CCSER1: variants seen among roughly 807,000 people sequenced by gnomAD.
CCSER1 encodes the protein coiled-coil serine rich protein 1, also known as serine-rich coiled-coil domain-containing protein 1.
Under a neutral mutation model 82.0 loss-of-function variants are expected in CCSER1, and 41 were observed. That is an observed-to-expected ratio of 0.50 (90% confidence interval 0.39 to 0.65). The LOEUF is 0.65. CCSER1 is among the 30% of genes least tolerant of loss of function. The probability of loss-of-function intolerance (pLI) is 0.00; values close to 1 mark genes in which losing one functional copy is unlikely to be tolerated. For synonymous variants in CCSER1, 414 were observed against 383.9 expected (o/e 1.08, Z -0.92); for missense variants, 1,119 against 1,064.2 (o/e 1.05, Z -0.72).
chr4:91,216,470 C>A (rs1357438162), intron 10 of CCSER1, among the ~76,000 whole-genome samples: 1 of 152,096 alleles, frequency 6.6e-6, no homozygotes, highest in Admixed American at 6.5e-5. Context: ...CAGGTGCGTG[C>A]CACCACACCC....
chr4:90,495,861 G>A (rs1768910633), intron 5 of CCSER1, among the ~76,000 whole-genome samples: 1 of 152,086 alleles, frequency 6.6e-6, no homozygotes, highest in Non-Finnish European at 1.5e-5. Flanking sequence ...TAGAATGGCA[G>A]GGAGGAGGAG....
In CCSER1 at chr4:91,012,358, G is replaced by A. The variant is rs1739063288; in HGVS notation, c.2173-73592G>A. ...CTCTGCCAAGGCACTCTTTCCCCAG[G>A]CAGCACTGTGCAGCTTTACCTCTGG... On this transcript the variant is annotated intron_variant, in intron 9 of 10. Coordinates refer to ENST00000509176, the MANE Select transcript of CCSER1 (RefSeq NM_001145065.2). Among the ~76,000 whole-genome samples the A allele has an allele frequency of 1.5e-5, 2 of 134,314 alleles. 1 individual carries two copies. Among genetic ancestry groups the A allele is most frequent in the African/African-American group, 5.0e-5 (2 of 40,350 alleles). The allele number at this position is 134,314 out of a possible 152,430, so 88.1% of individuals were successfully genotyped here. A position where few individuals can be genotyped will look rare whatever the true frequency, so the allele number is the denominator to read the frequency against.
chr4:90,775,932 C>T (rs974435131), intron 7 of CCSER1, among the ~76,000 whole-genome samples: 3 of 151,382 alleles, frequency 2.0e-5, no homozygotes, highest in Non-Finnish European at 2.9e-5. Flanking sequence ...AGAGTTGGTT[C>T]TGTGCTATGA....
At chr4:90,924,750 G>A (rs887964722) in intron 9 of CCSER1, among the ~76,000 whole-genome samples, 33 of 151,966 alleles carry the variant, frequency 2.2e-4, no homozygotes, top group African/African-American at 8.0e-4. Flanking sequence ...TATTTGAGAT[G>A]GAGTCTCACT....
Position 90,308,536 on chromosome 4 carries a change from C to T in CCSER1, c.252C>T (p.Asn84=). The change falls in exon 2 of 11, where the codon AAC becomes AAT. Residue 84 remains asparagine (N), a synonymous_variant. Transcript: ENST00000509176. ...GTGAGCCTAAGCAAGAGCCTACCAACCAGAACCTTAGTATTTCAAATGGTG... is the reference window on the plus strand; with the variant it reads ...GTGAGCCTAAGCAAGAGCCTACCAATCAGAACCTTAGTATTTCAAATGGTG... ...KGSEPKQEPT[N]QNLSISNGAQ... is the part of the protein sequence containing the mutation. 2 of 1,613,896 alleles carry T rather than the reference C, an allele frequency of 1.2e-6. No homozygotes were observed. The highest frequency in any genetic ancestry group is 1.7e-6 in the Non-Finnish European group (2 of 1,179,852).
chr4:90,872,708 G>C (rs1469046892), intron 8 of CCSER1, among the ~76,000 whole-genome samples: 1 of 151,778 alleles, frequency 6.6e-6, no homozygotes, highest in African/African-American at 2.4e-5. Context: ...TATTACCGGT[G>C]AACTTTGTAC....
intron 10 of CCSER1, among the ~76,000 whole-genome samples, chr4:91,574,246 T>G (rs1357371958): frequency 1.0e-5 from 1 of 97,220 alleles, no homozygotes; most frequent in Non-Finnish European, 2.2e-5. Flanking sequence ...CAGATGCTAC[T>G]GAGGTTCTGG....
intron 7 of CCSER1, chr4:90,725,044 A>C (rs2149380579): frequency 2.3e-6 from 1 of 437,596 alleles, no homozygotes; most frequent in Admixed American, 2.5e-5. Context: ...TATACCTGCT[A>C]ATTGTTAAAT....
intron 5 of CCSER1, among the ~76,000 whole-genome samples, chr4:90,528,069 G>T (rs1320713841): frequency 6.6e-6 from 1 of 152,054 alleles, no homozygotes; most frequent in African/African-American, 2.4e-5. Flanking sequence ...CTTTAAAGTG[G>T]CAATTGCTTC....
intron 10 of CCSER1, among the ~76,000 whole-genome samples, chr4:91,149,135 C>T (rs1729863468): frequency 6.6e-6 from 1 of 152,180 alleles, no homozygotes; most frequent in Admixed American, 6.5e-5. Flanking sequence ...ACATCCTCTC[C>T]AGCACCTGTT....
At chr4:91,563,990 A>T (rs975758258) in intron 10 of CCSER1, among the ~76,000 whole-genome samples, 2 of 151,836 alleles carry the variant, frequency 1.3e-5, no homozygotes, top group Non-Finnish European at 2.9e-5. Flanking sequence ...TCACTCAGGT[A>T]TTAAGCCCAG....
At chr4:90,726,302 T>C (rs1037607344) in intron 7 of CCSER1, among the ~76,000 whole-genome samples, 2 of 151,884 alleles carry the variant, frequency 1.3e-5, no homozygotes, top group Non-Finnish European at 2.9e-5. Flanking sequence ...TCATTTGAAA[T>C]AAAGACAAAT....
chr4:91,518,466 C>A (rs1760271248), intron 10 of CCSER1, among the ~76,000 whole-genome samples: 1 of 152,088 alleles, frequency 6.6e-6, no homozygotes, highest in Non-Finnish European at 1.5e-5. Context: ...CCAAGGGAAG[C>A]TAGGGAAGTA....
chr4:90,875,510 GATAA>G (rs1767085263), intron 8 of CCSER1, among the ~76,000 whole-genome samples: 2 of 152,148 alleles, frequency 1.3e-5, no homozygotes, highest in South Asian at 4.2e-4. Context: ...TTCATTTTTG[GATAA>G]ATAATGATGC....
intron 10 of CCSER1, among the ~76,000 whole-genome samples, chr4:91,098,717 A>C (rs1295056912): frequency 1.3e-5 from 2 of 151,734 alleles, no homozygotes; most frequent in African/African-American, 4.8e-5. Flanking sequence ...AATTTTTTGT[A>C]TTTTTAGTAG....
rs1488152075 is a variant in CCSER1, at chr4:90,308,494, C to G, written c.210C>G (p.Phe70Leu). The G allele has an allele frequency of 6.2e-7, 1 of 1,613,762 alleles. No individual in the cohort carries two copies. Among genetic ancestry groups the G allele is most frequent in the African/African-American group, 1.3e-5 (1 of 74,920 alleles). ...TATTCCGTACTCCTTCCATTAGCTT[C>G]CACCATAAGAAGGGGAGTGAGCCTA... ...RSIFRTPSIS[F>L]HHKKGSEPKQ... is the part of the protein sequence containing the mutation. The change falls in exon 2 of 11, where the codon TTC (phenylalanine) becomes TTG (leucine). Residue 70 changes from phenylalanine (F) to leucine (L), a missense_variant. By Grantham distance (22) the Phe-to-Leu change is conservative (BLOSUM62 0). Coordinates refer to ENST00000509176, the MANE Select transcript of CCSER1 (RefSeq NM_001145065.2).
At chr4:90,908,535 G>A (rs1397372915) in intron 8 of CCSER1, among the ~76,000 whole-genome samples, 1 of 152,112 alleles carries the variant, frequency 6.6e-6, no homozygotes, top group Non-Finnish European at 1.5e-5. Flanking sequence ...AGTCATGTGT[G>A]TAATTTAGTA....
intron 10 of CCSER1, among the ~76,000 whole-genome samples, chr4:91,372,535 CTT>C (rs1371462733): frequency 6.6e-6 from 1 of 150,938 alleles, no homozygotes; most frequent in Admixed American, 6.6e-5. Context: ...ATTGTTCTTT[CTT>C]TTTTTGAAAA....
chr4:90,304,656 G>A (rs1239962166), intron 1 of CCSER1, among the ~76,000 whole-genome samples: 5 of 152,060 alleles, frequency 3.3e-5, no homozygotes, highest in African/African-American at 9.7e-5. Context: ...TGTGGGGTGG[G>A]GAGAGTGGGG....
Sources: allele counts gnomAD v4.1 joint callset (sites outside exome capture counted in the v4.1 genomes callset), GRCh38; gene constraint gnomAD v4.1.1; transcripts MANE v1.5; gene names NCBI Gene and HGNC (gene_info 2026-07-23, HGNC 2026-07-21).